The following ATP8B3 variants were observed in gnomAD, a reference collection of about 807,000 sequenced individuals.
The protein encoded by ATP8B3 is ATPase phospholipid transporting 8B3.
A neutral mutation model predicts 140.9 loss-of-function variants in ATP8B3; 141 were observed. That is an observed-to-expected ratio of 1.00 (90% CI 0.87 to 1.15). The LOEUF is 1.15. Among genes scored for constraint, ATP8B3 ranks in the 50% most tolerant of loss-of-function variants. The pLI is 0.00. For synonymous variants in ATP8B3, 765 were observed against 714.6 expected (o/e 1.07, Z -1.13); for missense variants, 1,874 against 1,740.6 (o/e 1.08, Z -1.36).
chr19:1,796,865 G>C lies in ATP8B3; in HGVS notation c.1599C>G (p.Leu533=). ...ATTRPKENPY[L]WNKFADGKLL... is the part of the protein sequence containing the mutation. ...GCTTCCCGTCGGCGAACTTGTTCCA[G>C]AGGTAGGGGTTCTCCTGGGGGTGGC... The change falls in exon 16 of 29, where the codon CTC becomes CTG. Residue 533 remains leucine (L), a synonymous_variant. Coordinates refer to ENST00000310127, the MANE Select transcript of ATP8B3 (RefSeq NM_138813.4). 1 of 1,612,320 alleles carries C rather than the reference G, an allele frequency of 6.2e-7. No individual in the cohort carries two copies. Among genetic ancestry groups the C allele is most frequent in the Non-Finnish European group, 8.5e-7 (1 of 1,179,460 alleles).
At chr19:1,798,309 C>T (rs982392439) in intron 14 of ATP8B3, among the ~76,000 whole-genome samples, 2 of 152,012 alleles carry the variant, frequency 1.3e-5, no homozygotes, top group African/African-American at 4.8e-5. Flanking sequence ...GTCCAAACCA[C>T]GTGCCCTGGT....
In ATP8B3 at chr19:1,800,496, C is replaced by A. The variant is rs1194043601; in HGVS notation, c.1153-47G>T. On this transcript the variant is annotated intron_variant, in intron 12 of 28. Coordinates refer to ENST00000310127, the MANE Select transcript of ATP8B3 (RefSeq NM_138813.4). This position sits in a 1 kb window ranked among gnomAD's most constrained non-coding sequence, Gnocchi z 4.4. ...GTGGGTGAGGGGGGCGGGGGTCCCCCACTCTGCCATCAGGATGGGGTAAAC... is the reference window on the plus strand; with the variant it reads ...GTGGGTGAGGGGGGCGGGGGTCCCCAACTCTGCCATCAGGATGGGGTAAAC... 4.5e-6 allele frequency: 7 copies of A among 1,541,788 alleles called. No individual in the cohort carries two copies. The highest frequency in any genetic ancestry group is 6.2e-6 in the Non-Finnish European group (7 of 1,125,402).
At chr19:1,808,518 C>A (rs2069096481) in intron 4 of ATP8B3, among the ~76,000 whole-genome samples, 183 bp from the exon 5 acceptor site, 1 of 149,274 alleles carries the variant, frequency 6.7e-6, no homozygotes, top group Admixed American at 6.6e-5. Flanking sequence ...TGCAAGGCCT[C>A]AGACCAGCAT....
chr19:1,783,475 C>G (rs921478895), intron 28 of ATP8B3, among the ~76,000 whole-genome samples: 2 of 152,210 alleles, frequency 1.3e-5, no homozygotes, highest in Non-Finnish European at 2.9e-5. Flanking sequence ...CTTTTCAAGA[C>G]CCACTAATTG....
intron 14 of ATP8B3, among the ~76,000 whole-genome samples, chr19:1,798,510 A>C (rs565432859): frequency 4.5e-4 from 68 of 151,284 alleles, no homozygotes; most frequent in Non-Finnish European, 8.6e-4. Flanking sequence ...AGGCTGAGGC[A>C]GGCAGATCAC....
chr19:1,803,620 G>T (rs949333291), intron 10 of ATP8B3, among the ~76,000 whole-genome samples: 2 of 152,200 alleles, frequency 1.3e-5, no homozygotes, highest in Non-Finnish European at 2.9e-5. Context: ...GAAGCCGGCC[G>T]GGTGCGGTGG....
intron 10 of ATP8B3, among the ~76,000 whole-genome samples, chr19:1,802,884 C>T (rs2068898701): frequency 6.6e-6 from 1 of 152,194 alleles, no homozygotes. Flanking sequence ...ATCCTCCAGC[C>T]AGATCAGCCC....
chr19:1,792,626 AGAG>A (rs2145183315), intron 18 of ATP8B3, among the ~76,000 whole-genome samples: 1 of 146,104 alleles, frequency 6.8e-6, no homozygotes, highest in African/African-American at 2.5e-5. Flanking sequence ...AAAGCGGGGA[AGAG>A]GGCTGGGCGT....
At chr19:1,787,319 T>G in intron 24 of ATP8B3, 133 bp from the exon 25 acceptor site, 3 of 623,176 alleles carry the variant, frequency 4.8e-6, no homozygotes, top group Non-Finnish European at 2.8e-6. Flanking sequence ...GGGCTGGGAC[T>G]GGGGTGGGGT....
At chr19:1,802,702 C>A in intron 10 of ATP8B3, 57 bp from the exon 11 acceptor site, 1 of 1,555,748 alleles carries the variant, frequency 6.4e-7, no homozygotes, top group South Asian at 1.2e-5. Context: ...TCCCCAGGTT[C>A]CCTGCACCGG....
At chr19:1,812,055 C>T in intron 1 of ATP8B3, 131 bp downstream of exon 1, 1 of 292,752 alleles carries the variant, frequency 3.4e-6, no homozygotes, top group Non-Finnish European at 6.3e-6. Flanking sequence ...CCCGGGGCCC[C>T]GACCGCGCGA....
chr19:1,784,440 G>T (rs755549442), intron 28 of ATP8B3, among the ~76,000 whole-genome samples: 1 of 152,138 alleles, frequency 6.6e-6, no homozygotes, highest in Admixed American at 6.5e-5. Context: ...CTTTGAGCCC[G>T]GAAGGTCGAG....
At chr19:1,790,058 C>T in intron 21 of ATP8B3, 69 bp from the exon 22 acceptor site, 2 of 1,205,766 alleles carry the variant, frequency 1.7e-6, no homozygotes, top group Non-Finnish European at 2.4e-6. Flanking sequence ...GGGGGCTCCA[C>T]TGCCCCTCCC....
Position 1,807,275 on chromosome 19 carries a change from A to G in ATP8B3, c.517-9T>C, listed in dbSNP as rs2069055450. 6.2e-7 allele frequency: 1 copy of G among 1,606,486 alleles called. No homozygotes were observed. The highest frequency in any genetic ancestry group is 8.5e-7 in the Non-Finnish European group (1 of 1,175,382). On this transcript the variant is annotated splice_polypyrimidine_tract_variant and intron_variant, in intron 5 of 28. Coordinates refer to ENST00000310127, the MANE Select transcript of ATP8B3 (RefSeq NM_138813.4). This position sits in a 1 kb window ranked among gnomAD's most constrained non-coding sequence, Gnocchi z 5.9. ...GAGATGTCGGGAATGCTCTGACGTGAGGGGGCCACAGGAAGGGTCACACCA... is the reference window on the plus strand; with the variant it reads ...GAGATGTCGGGAATGCTCTGACGTGGGGGGGCCACAGGAAGGGTCACACCA...
At chr19:1,801,128 G>A (rs907995845) in intron 12 of ATP8B3, among the ~76,000 whole-genome samples, 8 of 150,836 alleles carry the variant, frequency 5.3e-5, no homozygotes, top group South Asian at 2.1e-4. Flanking sequence ...GCACCCAGCC[G>A]AAAAACATTT....
Position 1,796,069 on chromosome 19 carries a change from G to C in ATP8B3, c.1942+8C>G, listed in dbSNP as rs1222360688. ...TGGGGGGCCCAGGGCTTGGGTGGCGGGGCTCACCCAGCACCGACATCCGTT... is the reference window on the plus strand; with the variant it reads ...TGGGGGGCCCAGGGCTTGGGTGGCGCGGCTCACCCAGCACCGACATCCGTT... On this transcript the variant is annotated splice_region_variant and intron_variant, in intron 17 of 28. Coordinates refer to ENST00000310127, the MANE Select transcript of ATP8B3 (RefSeq NM_138813.4). 1 of 1,612,264 alleles carries C rather than the reference G, an allele frequency of 6.2e-7. No homozygotes were observed. The highest frequency in any genetic ancestry group is 1.3e-5 in the African/African-American group (1 of 74,928).
intron 2 of ATP8B3, 124 bp downstream of exon 2, chr19:1,811,365 A>G (rs541788792): frequency 1.2e-5 from 17 of 1,377,078 alleles, no homozygotes; most frequent in Admixed American, 2.7e-5. Flanking sequence ...TTGGCCCCCT[A>G]TGAGGATGGG....
rs548047160 is a variant in ATP8B3 at position 1,807,196 on chromosome 19, C to A, written c.587G>T (p.Arg196Leu). The A allele has an allele frequency of 6.2e-7, 1 of 1,612,796 alleles. No homozygotes were observed. Among genetic ancestry groups the A allele is most frequent in the South Asian group, 1.1e-5 (1 of 91,070 alleles). ...GTCGTCCACCAGGTCCCGGGTGGCA[C>A]GGATGAAGAGGAGGCAGACCATAGG... Reference protein sequence around the residue: ...STPMVCLLFIRATRDLVDDMG... With the variant: ...STPMVCLLFILATRDLVDDMG... Residue 196 changes from arginine (R) to leucine (L), a missense_variant, in exon 6 of 29, where the codon CGT (arginine) becomes CTT (leucine). Physicochemically the swap from Arg to Leu is moderately radical, Grantham distance 102 (BLOSUM62 -2). Transcript: ENST00000310127. This position sits in a 1 kb window ranked among gnomAD's most constrained non-coding sequence, Gnocchi z 5.9.
rs149722845 is a variant in ATP8B3, at chr19:1,794,645, T to C, written c.2055+1230A>G. Among the ~76,000 whole-genome samples, 483 of 152,090 alleles carry C rather than the reference T, an allele frequency of 3.2e-3. 2 individuals carry two copies. Among genetic ancestry groups the C allele is most frequent in the African/African-American group, 0.011 (447 of 41,482 alleles). On this transcript the variant is annotated intron_variant, in intron 18 of 28. Coordinates refer to ENST00000310127, the MANE Select transcript of ATP8B3 (RefSeq NM_138813.4). This position sits in a 1 kb window ranked among gnomAD's most constrained non-coding sequence, Gnocchi z 4.8. ...GTGTGGGGAGCTTGTGGCTGAGTCA[T>C]GAGGACACCGAAAGCTTCTGAATGA...
Sources: gnomAD v4.1 joint callset for allele counts (sites outside exome capture counted in the v4.1 genomes callset) on GRCh38, gnomAD v4.1.1 for gene constraint, Gnocchi (gnomAD v3.1) non-coding constraint, MANE v1.5 for transcripts, NCBI Gene and HGNC (gene_info 2026-07-23, HGNC 2026-07-21) for gene names.